Variants in CSMD1 observed in about 807,000 individuals in gnomAD.
The protein encoded by CSMD1 is CUB and sushi domain-containing protein 1.
In CSMD1, 213 loss-of-function variants were observed where a neutral mutation model predicts 417.5. The observed-to-expected ratio is 0.51, with a 90% CI of 0.46 to 0.57. The LOEUF (loss-of-function observed/expected upper bound fraction) is 0.57. Among genes scored for constraint, CSMD1 ranks in the 20% least tolerant of loss-of-function variants. The pLI is 0.00. For synonymous variants in CSMD1, 2,862 were observed against 1,736.8 expected (o/e 1.65, Z -16.11); for missense variants, 6,923 against 4,529.7 (o/e 1.53, Z -15.17).
chr8:4,515,264 A>C (rs193187908), intron 2 of CSMD1, among the ~76,000 whole-genome samples: 16 of 152,332 alleles, frequency 1.1e-4, no homozygotes, highest in African/African-American at 2.9e-4. Flanking sequence ...AATTATATGC[A>C]GAGACCACAG....
At chr8:4,210,555 A>C (rs1332748046) in intron 3 of CSMD1, among the ~76,000 whole-genome samples, 1 of 152,226 alleles carries the variant, frequency 6.6e-6, no homozygotes, top group Non-Finnish European at 1.5e-5. Context: ...AGAAAGCACA[A>C]ATAGGAAACA....
intron 3 of CSMD1, among the ~76,000 whole-genome samples, chr8:4,148,445 C>T (rs146913718): frequency 6.6e-6 from 1 of 151,862 alleles, no homozygotes; most frequent in African/African-American, 2.4e-5. Context: ...CTGCAGCACA[C>T]CAACATGGCA....
rs553835918 is a variant in CSMD1 at position 4,431,566 on chromosome 8, T to C, written c.303-11501A>G. ...ATAATCTACACCAGCCCCGGCCCCA[T>C]TTCAAAACTTTGCTCTGAGGCTACC... On this transcript the variant is annotated intron_variant, in intron 2 of 69. Coordinates refer to ENST00000635120, the MANE Select transcript of CSMD1 (RefSeq NM_033225.6). Among the ~76,000 whole-genome samples, 4 of 152,216 alleles carry C rather than the reference T, an allele frequency of 2.6e-5. No homozygotes were observed. In the East Asian group the frequency reaches 7.7e-4, roughly 29 times the overall value.
intron 14 of CSMD1, among the ~76,000 whole-genome samples, chr8:3,407,410 T>C (rs1377211772): frequency 6.8e-6 from 1 of 147,320 alleles, no homozygotes; most frequent in Non-Finnish European, 1.5e-5. Flanking sequence ...GAAGGATGAA[T>C]GGATGGAAGG....
At chr8:4,943,226 T>C (rs369979293) in intron 1 of CSMD1, among the ~76,000 whole-genome samples, 2 of 152,164 alleles carry the variant, frequency 1.3e-5, no homozygotes, top group Admixed American at 6.5e-5. Flanking sequence ...CCGGGTGCAG[T>C]GGCTCATGCT....
intron 5 of CSMD1, among the ~76,000 whole-genome samples, chr8:3,934,543 C>G (rs1344659855): frequency 6.6e-6 from 1 of 152,112 alleles, no homozygotes; most frequent in East Asian, 1.9e-4. Context: ...GCCTTTATCA[C>G]TAACTAAGGG....
At chr8:4,827,284 A>C (rs1039184716) in intron 1 of CSMD1, among the ~76,000 whole-genome samples, 1 of 152,124 alleles carries the variant, frequency 6.6e-6, no homozygotes, top group African/African-American at 2.4e-5. Context: ...TTCATTACTC[A>C]TGTTTCAAGC....
chr8:3,023,063 A>G (rs1231703244), intron 51 of CSMD1, among the ~76,000 whole-genome samples: 2 of 152,244 alleles, frequency 1.3e-5, no homozygotes, highest in African/African-American at 4.8e-5. Flanking sequence ...GTGATGTCCA[A>G]TGTCCACTCC....
chr8:4,172,541 T>C (rs1466049616), intron 3 of CSMD1, among the ~76,000 whole-genome samples: 1 of 151,990 alleles, frequency 6.6e-6, no homozygotes, highest in African/African-American at 2.4e-5. Context: ...CTGCTTTGCT[T>C]GCAGTGGAAA....
At chr8:4,161,312 G>A (rs967736722) in intron 3 of CSMD1, among the ~76,000 whole-genome samples, 3 of 152,180 alleles carry the variant, frequency 2.0e-5, no homozygotes, top group African/African-American at 4.8e-5. Flanking sequence ...ATAAGAAACA[G>A]TAAGTGACAG....
At chr8:4,026,008 C>T (rs928631511) in intron 4 of CSMD1, among the ~76,000 whole-genome samples, 1 of 111,686 alleles carries the variant, frequency 9.0e-6, no homozygotes, top group Non-Finnish European at 1.9e-5. Context: ...GTTAGGAACT[C>T]TATAAAAAAA....
chr8:3,762,100 C>A (rs544638174), intron 5 of CSMD1, among the ~76,000 whole-genome samples: 1 of 152,166 alleles, frequency 6.6e-6, no homozygotes, highest in Non-Finnish European at 1.5e-5. Flanking sequence ...CTCCCACTCA[C>A]TCCAGCTTGG....
intron 1 of CSMD1, among the ~76,000 whole-genome samples, chr8:4,701,317 C>T (rs1446996146): frequency 4.2e-5 from 6 of 143,238 alleles, no homozygotes; most frequent in African/African-American, 7.9e-5. Context: ...TCCTTTGATG[C>T]TTTTTTTTTT....
chr8:3,728,230 G>T (rs578068335), intron 6 of CSMD1, among the ~76,000 whole-genome samples: 4 of 152,216 alleles, frequency 2.6e-5, no homozygotes, highest in South Asian at 4.1e-4. Flanking sequence ...TTTACAAAGG[G>T]AAACCCCTTT....
chr8:4,228,324 C>G (rs907448494), intron 3 of CSMD1, among the ~76,000 whole-genome samples: 1 of 152,150 alleles, frequency 6.6e-6, no homozygotes, highest in Non-Finnish European at 1.5e-5. Flanking sequence ...GTGTTTTATT[C>G]TCTGTCTCTA....
At chr8:4,596,034 C>T (rs1800257389) in intron 2 of CSMD1, among the ~76,000 whole-genome samples, 1 of 152,268 alleles carries the variant, frequency 6.6e-6, no homozygotes, top group African/African-American at 2.4e-5. Flanking sequence ...CCCTGTTTGC[C>T]ACACTGCCCA....
At chr8:3,789,699 T>C (rs1303525658) in intron 5 of CSMD1, among the ~76,000 whole-genome samples, 1 of 151,324 alleles carries the variant, frequency 6.6e-6, no homozygotes, top group Non-Finnish European at 1.5e-5. Context: ...TTAGTATTTA[T>C]CATAGATGTT....
intron 7 of CSMD1, among the ~76,000 whole-genome samples, chr8:3,691,631 C>G (rs564619206): frequency 4.6e-5 from 7 of 152,178 alleles, no homozygotes; most frequent in East Asian, 1.9e-4. Flanking sequence ...TAACAACTGA[C>G]AGTGTTCCTA....
chr8:3,926,186 C>A (rs551562525), intron 5 of CSMD1, among the ~76,000 whole-genome samples: 1 of 151,902 alleles, frequency 6.6e-6, no homozygotes, highest in African/African-American at 2.4e-5. Flanking sequence ...ATATTTTTCC[C>A]AGACATGATT....
Sources: allele counts gnomAD v4.1 joint callset (sites outside exome capture counted in the v4.1 genomes callset), GRCh38; gene constraint gnomAD v4.1.1; transcripts MANE v1.5; gene names NCBI Gene and HGNC (gene_info 2026-07-23, HGNC 2026-07-21).